Variants in PCDHGA1 observed in about 807,000 individuals in gnomAD.
The protein encoded by PCDHGA1 is protocadherin gamma subfamily A, 1.
Under a neutral mutation model 58.0 loss-of-function variants are expected in PCDHGA1, and 32 were observed. The ratio of observed to expected loss-of-function variants is 0.55; its 90% confidence interval spans 0.42 to 0.74. PCDHGA1 has a LOEUF of 0.74. PCDHGA1 is among the 30% of genes least tolerant of loss of function. The pLI, the probability that PCDHGA1 is intolerant of heterozygous loss-of-function variation, is 0.00. For synonymous variants in PCDHGA1, 498 were observed against 501.1 expected (o/e 0.99, Z 0.08); for missense variants, 1,205 against 1,182.3 (o/e 1.02, Z -0.28).
chr5:141,432,908 C>G lies in PCDHGA1; in HGVS notation c.2422-61899C>G, dbSNP rs757934634. 6.2e-7 allele frequency: 1 copy of G among 1,614,168 alleles called. No homozygotes were observed. Reference sequence around the variant, plus strand: ...CATCTTGCTGCTGGCGCTCAGGCTGCGGCGCTGGCACAAGTCACGCCTGCT... The same window carrying G: ...CATCTTGCTGCTGGCGCTCAGGCTGGGGCGCTGGCACAAGTCACGCCTGCT... On this transcript the variant is annotated intron_variant, in intron 1 of 3. Transcript: ENST00000517417. This position sits in a 1 kb window ranked among gnomAD's most constrained non-coding sequence, Gnocchi z 6.0.
intron 1 of PCDHGA1, chr5:141,389,409 A>G: frequency 6.2e-7 from 1 of 1,613,590 alleles, no homozygotes; most frequent in Admixed American, 1.7e-5. Context: ...AAGCGCGGAG[A>G]GCGGGGTGGT....
chr5:141,509,435 T>C (rs547082417), intron 3 of PCDHGA1, among the ~76,000 whole-genome samples: 1 of 152,214 alleles, frequency 6.6e-6, no homozygotes, highest in South Asian at 2.1e-4. Context: ...AAACTCTTGT[T>C]TCCTCCTCTC....
chr5:141,385,004 G>T, intron 1 of PCDHGA1: 1 of 1,614,140 alleles, frequency 6.2e-7, no homozygotes, highest in Non-Finnish European at 8.5e-7. Flanking sequence ...ACAGTCTCCT[G>T]CGTCTTCCTA....
intron 1 of PCDHGA1, chr5:141,441,078 G>T (rs1443239760): frequency 2.0e-5 from 3 of 152,140 alleles, no homozygotes; most frequent in Non-Finnish European, 4.4e-5. Context: ...CCATGGTTTT[G>T]GTAGCAAGTG....
intron 2 of PCDHGA1, among the ~76,000 whole-genome samples, chr5:141,503,075 G>C (rs1373753092): frequency 6.6e-6 from 1 of 151,438 alleles, no homozygotes; most frequent in Non-Finnish European, 1.5e-5. Context: ...GAATGGTCTC[G>C]ATCTCCTGAC....
intron 1 of PCDHGA1, chr5:141,384,713 C>T (rs1780398191): frequency 4.3e-6 from 7 of 1,614,104 alleles, no homozygotes; most frequent in Non-Finnish European, 5.9e-6. Context: ...GCCTGGCTGT[C>T]ATACCTCCTG....
intron 1 of PCDHGA1, chr5:141,405,262 C>T (rs1352663124): frequency 1.9e-6 from 3 of 1,614,012 alleles, no homozygotes; most frequent in Non-Finnish European, 2.5e-6. Context: ...ACCTGATCTT[C>T]CCCCAGCCCA....
At chr5:141,421,065 A>C in intron 1 of PCDHGA1, 1 of 591,556 alleles carries the variant, frequency 1.7e-6, no homozygotes. Flanking sequence ...CACAAAGCGG[A>C]ATGAGATGGA....
intron 1 of PCDHGA1, among the ~76,000 whole-genome samples, chr5:141,369,837 A>G (rs1029246557): frequency 2.6e-5 from 4 of 152,164 alleles, no homozygotes; most frequent in Non-Finnish European, 5.9e-5. Flanking sequence ...ATGATTTTCT[A>G]TGTATTATTT....
At position 141,491,825 on chromosome 5, in the gene PCDHGA1, C is replaced by A. The variant is rs948385010; in HGVS notation, c.2422-2982C>A. ...CGGCTTGGTCGCTGGCTGCGCTCCA[C>A]CCGATTCTCGGGATCATTGGACCGT... On this transcript the variant is annotated intron_variant, in intron 1 of 3. Coordinates refer to ENST00000517417, the MANE Select transcript of PCDHGA1 (RefSeq NM_018912.3). This position sits in a 1 kb window ranked among gnomAD's most constrained non-coding sequence, Gnocchi z 6.9. 145 of 1,478,052 alleles carry A rather than the reference C, an allele frequency of 9.8e-5. No homozygotes were observed. Among genetic ancestry groups the A allele is most frequent in the Non-Finnish European group, 1.3e-4 (142 of 1,114,822 alleles). 91.6% of individuals were successfully genotyped at this position (1,478,052 alleles called of 1,614,324 possible). A position where few individuals can be genotyped will look rare whatever the true frequency, so the allele number is the denominator to read the frequency against.
intron 1 of PCDHGA1, chr5:141,362,580 C>T: frequency 6.2e-7 from 1 of 1,603,290 alleles, no homozygotes; most frequent in Non-Finnish European, 8.5e-7. Flanking sequence ...AATTTATTTT[C>T]ACTTCTGGTT....
chr5:141,464,517 G>A lies in PCDHGA1; in HGVS notation c.2422-30290G>A, dbSNP rs1487703873. 2.0e-5 allele frequency among the ~76,000 whole-genome samples: 3 copies of A among 151,862 alleles called. No individual in the cohort carries two copies. In the South Asian group the frequency reaches 6.2e-4, roughly 32 times the overall value. On this transcript the variant is annotated intron_variant, in intron 1 of 3. Transcript: ENST00000517417. ...GTGATTGCTGCATCATAAGGTAAAG[G>A]CATATGTAGTTTTGTTAAATATAGC...
At chr5:141,365,754 C>G in intron 1 of PCDHGA1, 1 of 1,613,850 alleles carries the variant, frequency 6.2e-7, no homozygotes. Context: ...TTCTCTGTGA[C>G]AGCCCATGAC....
intron 1 of PCDHGA1, chr5:141,346,479 A>G: frequency 6.2e-7 from 1 of 1,613,494 alleles, no homozygotes; most frequent in Non-Finnish European, 8.5e-7. Flanking sequence ...TATTTCTTTG[A>G]TTATTAAGAA....
At chr5:141,418,744 T>C in intron 1 of PCDHGA1, 1 of 1,613,936 alleles carries the variant, frequency 6.2e-7, no homozygotes, top group Non-Finnish European at 8.5e-7. Context: ...TCTCTCTGGA[T>C]TACACTACAG....
intron 1 of PCDHGA1, chr5:141,366,318 C>T (rs767826248): frequency 8.7e-6 from 14 of 1,613,774 alleles, no homozygotes; most frequent in Non-Finnish European, 1.2e-5. Flanking sequence ...GTCACCGTTG[C>T]CGTGGCCGAC....
chr5:141,489,447 G>A lies in PCDHGA1; in HGVS notation c.2422-5360G>A. The A allele has an allele frequency of 5.6e-6, 9 of 1,614,134 alleles. No homozygotes were observed. The highest frequency in any genetic ancestry group is 7.6e-6 in the Non-Finnish European group (9 of 1,180,028). ...GCCGGCGGCTGCAATTGGGCTCTGA[G>A]GAGAATGGGCGCTATTTTTCCCTGA... On this transcript the variant is annotated intron_variant, in intron 1 of 3. Coordinates refer to ENST00000517417, the MANE Select transcript of PCDHGA1 (RefSeq NM_018912.3). This position sits in a 1 kb window ranked among gnomAD's most constrained non-coding sequence, Gnocchi z 4.5.
intron 1 of PCDHGA1, among the ~76,000 whole-genome samples, chr5:141,467,421 G>T (rs957302311): frequency 6.6e-6 from 1 of 152,100 alleles, no homozygotes; most frequent in African/African-American, 2.4e-5. Flanking sequence ...CCACACCTAG[G>T]TTATAGAAAC....
intron 1 of PCDHGA1, chr5:141,409,822 C>A (rs983633484): frequency 6.2e-6 from 10 of 1,610,868 alleles, no homozygotes; most frequent in Non-Finnish European, 6.8e-6. Flanking sequence ...ACGGCTCGCC[C>A]ACGCTCAGCG....
Sources: allele counts gnomAD v4.1 joint callset (sites outside exome capture counted in the v4.1 genomes callset), GRCh38; gene constraint gnomAD v4.1.1; non-coding constraint Gnocchi (gnomAD v3.1); transcripts MANE v1.5; gene names NCBI Gene and HGNC (gene_info 2026-07-23, HGNC 2026-07-21).